The following PRDM16 variants were observed in gnomAD, a reference collection of about 807,000 sequenced individuals.
PRDM16 encodes the protein histone-lysine N-methyltransferase PRDM16.
Under a neutral mutation model 110.6 loss-of-function variants are expected in PRDM16, and 23 were observed. The observed-to-expected ratio is 0.21, with a 90% CI of 0.15 to 0.29. The LOEUF is 0.29. Ranked by LOEUF, PRDM16 falls within the 10% of genes least tolerant of loss-of-function variation. PRDM16 has a pLI of 1.00. For synonymous variants in PRDM16, 799 were observed against 781.8 expected (o/e 1.02, Z -0.37); for missense variants, 1,615 against 1,794.3 (o/e 0.90, Z 1.81).
At chr1:3,191,103 G>C (rs546276630) in intron 2 of PRDM16, among the ~76,000 whole-genome samples, 1 of 152,206 alleles carries the variant, frequency 6.6e-6, no homozygotes, top group Non-Finnish European at 1.5e-5. Flanking sequence ...AAAGGCTCTC[G>C]AAGGCATCAG....
chr1:3,421,674 G>A (rs1473430880), intron 12 of PRDM16, among the ~76,000 whole-genome samples: 1 of 152,214 alleles, frequency 6.6e-6, no homozygotes, highest in Non-Finnish European at 1.5e-5. Context: ...CGGCCCCAGA[G>A]CTTCACACAA....
chr1:3,225,719 A>T (rs921196277), intron 2 of PRDM16, among the ~76,000 whole-genome samples: 18 of 152,188 alleles, frequency 1.2e-4, no homozygotes, highest in Non-Finnish European at 2.4e-4. Flanking sequence ...ATAAGGCTCT[A>T]AAACCGGCAC....
intron 3 of PRDM16, among the ~76,000 whole-genome samples, chr1:3,379,308 C>A (rs111214350): frequency 1.5e-4 from 3 of 20,420 alleles, no homozygotes; most frequent in Admixed American, 3.3e-4. Flanking sequence ...CAGCACACCC[C>A]TCCCAACACA....
chr1:3,266,037 G>A (rs1049377854), intron 3 of PRDM16, among the ~76,000 whole-genome samples: 2 of 152,210 alleles, frequency 1.3e-5, no homozygotes, highest in Admixed American at 1.3e-4. Flanking sequence ...GTCGTCTTGA[G>A]TCCATCCAGG....
intron 3 of PRDM16, among the ~76,000 whole-genome samples, chr1:3,346,560 C>T (rs1359965776): frequency 1.3e-5 from 2 of 152,224 alleles, no homozygotes; most frequent in Non-Finnish European, 2.9e-5. Flanking sequence ...CTCTCCCCTC[C>T]ACCGTCCCCA....
chr1:3,413,571 G>A (rs920061600), intron 9 of PRDM16, among the ~76,000 whole-genome samples: 1 of 152,150 alleles, frequency 6.6e-6, no homozygotes, highest in Non-Finnish European at 1.5e-5. Context: ...TGTGCTCCCC[G>A]CTTCGCCATG....
chr1:3,176,315 T>TTC (rs1644089258), intron 1 of PRDM16, among the ~76,000 whole-genome samples: 2 of 62,590 alleles, frequency 3.2e-5, no homozygotes, highest in Admixed American at 1.6e-4. Flanking sequence ...TACATCCATC[T>TTC]ATTCTTCCAT....
chr1:3,208,169 C>G lies in PRDM16; in HGVS notation c.387+21695C>G, dbSNP rs1339749703. On this transcript the variant is annotated intron_variant, in intron 2 of 16. Transcript: ENST00000270722. The surrounding 1 kb of genome is among the most constrained non-coding windows in gnomAD (Gnocchi z 6.1). ...ACAGCCCGAGGGCCCCATAACCAGCCAGAGTGGCCACGCTTGAAGCCTCAC... is the reference window on the plus strand; with the variant it reads ...ACAGCCCGAGGGCCCCATAACCAGCGAGAGTGGCCACGCTTGAAGCCTCAC... 6.6e-6 allele frequency: 1 copy of G among 152,248 alleles called. No homozygotes were observed. The highest frequency in any genetic ancestry group is 1.5e-5 in the Non-Finnish European group (1 of 68,090). 9.4% of individuals were successfully genotyped at this position (152,248 alleles called of 1,614,324 possible).
intron 1 of PRDM16, among the ~76,000 whole-genome samples, chr1:3,180,709 C>T (rs1189569420): frequency 1.5e-5 from 2 of 132,772 alleles, no homozygotes; most frequent in Admixed American, 7.1e-5. Flanking sequence ...ACCCAGCAGA[C>T]GGGAGACCCT....
intron 2 of PRDM16, among the ~76,000 whole-genome samples, chr1:3,218,988 C>G (rs753642310): frequency 1.3e-5 from 2 of 152,238 alleles, no homozygotes; most frequent in African/African-American, 2.4e-5. Context: ...GGGCCCAGCT[C>G]TCCCAAAGGA....
chr1:3,170,159 G>A (rs537788327), intron 1 of PRDM16, among the ~76,000 whole-genome samples: 40 of 152,380 alleles, frequency 2.6e-4, no homozygotes, highest in Non-Finnish European at 4.7e-4. Context: ...TGATTCCGTG[G>A]TTAAAACTAT....
At chr1:3,160,488 A>G (rs2100739158) in intron 1 of PRDM16, among the ~76,000 whole-genome samples, 1 of 152,272 alleles carries the variant, frequency 6.6e-6, no homozygotes, top group African/African-American at 2.4e-5. Context: ...AAGGACCCTC[A>G]CAGAGTGTCC....
intron 2 of PRDM16, among the ~76,000 whole-genome samples, chr1:3,227,478 G>A (rs577640975): frequency 3.5e-4 from 54 of 152,366 alleles, no homozygotes; most frequent in African/African-American, 1.2e-3. Flanking sequence ...GTGTCTCTCA[G>A]GCATGGAGCT....
intron 3 of PRDM16, among the ~76,000 whole-genome samples, chr1:3,274,637 T>TG (rs1431655148): frequency 2.0e-5 from 3 of 152,280 alleles, no homozygotes; most frequent in Non-Finnish European, 4.4e-5. Flanking sequence ...TTCCAGGCTC[T>TG]GTCACGTCGG....
At chr1:3,137,641 G>T (rs1344062717) in intron 1 of PRDM16, among the ~76,000 whole-genome samples, 1 of 152,234 alleles carries the variant, frequency 6.6e-6, no homozygotes, top group Non-Finnish European at 1.5e-5. Context: ...GCACTGGCAG[G>T]CTTCCTTCTC....
At chr1:3,181,553 C>G (rs1292590015) in intron 1 of PRDM16, among the ~76,000 whole-genome samples, 1 of 540 alleles carries the variant, frequency 1.9e-3, no homozygotes, top group Non-Finnish European at 5.6e-3. Context: ...CTTACACACG[C>G]AGTCTTACAC....
chr1:3,188,357 C>G, intron 2 of PRDM16, among the ~76,000 whole-genome samples: 1 of 152,144 alleles, frequency 6.6e-6, no homozygotes, highest in East Asian at 1.9e-4. Context: ...TACTCTGATA[C>G]AAGTTTCTAT....
chr1:3,129,266 ATG>A (rs372665094), intron 1 of PRDM16, among the ~76,000 whole-genome samples: 14 of 137,782 alleles, frequency 1.0e-4, no homozygotes, highest in African/African-American at 3.5e-4. Flanking sequence ...GGGTGTGTAC[ATG>A]TGTGTGTGTG....
chr1:3,145,155 C>G (rs535831331), intron 1 of PRDM16, among the ~76,000 whole-genome samples: 2 of 152,214 alleles, frequency 1.3e-5, no homozygotes, highest in Non-Finnish European at 2.9e-5. Context: ...TCCTAGGAGC[C>G]GTGTGCCTGG....
Sources: gnomAD v4.1 joint callset for allele counts (sites outside exome capture counted in the v4.1 genomes callset) on GRCh38, gnomAD v4.1.1 for gene constraint, Gnocchi (gnomAD v3.1) non-coding constraint, MANE v1.5 for transcripts, NCBI Gene and HGNC (gene_info 2026-07-23, HGNC 2026-07-21) for gene names.